MSRA: variants seen among roughly 807,000 people sequenced by gnomAD.
MSRA encodes methionine sulfoxide reductase A, also known as mitochondrial peptide methionine sulfoxide reductase.
MSRA carries 54 observed loss-of-function variants against 31.3 expected under a neutral mutation model. That is an observed-to-expected ratio of 1.73 (90% CI 1.39 to 2.17). The LOEUF (loss-of-function observed/expected upper bound fraction) is 2.17. Among genes scored for constraint, MSRA ranks in the 30% most tolerant of loss-of-function variants. The probability of loss-of-function intolerance (pLI) is 0.00; values close to 1 mark genes in which losing one functional copy is unlikely to be tolerated. For missense variants in MSRA, 507 were observed against 300.9 expected (o/e 1.69, Z -5.07); for synonymous variants, 169 against 116.5 (o/e 1.45, Z -2.90).
chr8:10,391,714 A>T (rs1018740184), intron 5 of MSRA, among the ~76,000 whole-genome samples: 1 of 152,172 alleles, frequency 6.6e-6, no homozygotes, highest in Non-Finnish European at 1.5e-5. Flanking sequence ...CAGCTCTGCC[A>T]CCTGCTTTCC....
intron 1 of MSRA, among the ~76,000 whole-genome samples, chr8:10,201,662 A>G (rs1408958353): frequency 1.3e-5 from 2 of 152,252 alleles, no homozygotes; most frequent in African/African-American, 4.8e-5. Flanking sequence ...TGCATGAGAC[A>G]TTCACAAAAC....
chr8:10,303,923 T>C (rs1224595136), intron 4 of MSRA, among the ~76,000 whole-genome samples: 1 of 152,120 alleles, frequency 6.6e-6, no homozygotes, highest in Non-Finnish European at 1.5e-5. Context: ...CTTTTATTTT[T>C]TGTTTTTGTT....
chr8:10,283,836 T>TACACAC lies in MSRA; in HGVS notation c.332-17670_332-17665dup, dbSNP rs372503609. Among the ~76,000 whole-genome samples, 346 of 53,032 alleles carry TACACAC rather than the reference T, an allele frequency of 6.5e-3. 9 individuals carry two copies. Among genetic ancestry groups the TACACAC allele is most frequent in the Non-Finnish European group, 8.9e-3 (276 of 31,126 alleles). 34.8% of individuals were successfully genotyped at this position (53,032 alleles called of 152,430 possible). A position where few individuals can be genotyped will look rare whatever the true frequency, so the allele number is the denominator to read the frequency against. ...ATATATATATATATATATATATATATACACACACACACACACACACACACA... is the reference window on the plus strand; with the variant it reads ...ATATATATATATATATATATATATATACACACACACACACACACACACACACACACA... On this transcript the variant is annotated intron_variant, in intron 3 of 5. Transcript: ENST00000317173.
intron 1 of MSRA, among the ~76,000 whole-genome samples, chr8:10,155,682 C>G (rs911053412): frequency 4.6e-5 from 7 of 152,092 alleles, no homozygotes; most frequent in African/African-American, 1.4e-4. Context: ...CTGACATGGT[C>G]TCTCACTGGT....
intron 3 of MSRA, among the ~76,000 whole-genome samples, chr8:10,258,151 A>C (rs1002629888): frequency 1.3e-5 from 2 of 152,234 alleles, no homozygotes; most frequent in Non-Finnish European, 2.9e-5. Context: ...TAGGCAGATT[A>C]TCTGACTTGT....
At chr8:10,334,977 G>T (rs954918868) in intron 5 of MSRA, among the ~76,000 whole-genome samples, 1 of 152,034 alleles carries the variant, frequency 6.6e-6, no homozygotes, top group African/African-American at 2.4e-5. Context: ...CCCATTGGCT[G>T]CAAGCGAGGA....
chr8:10,115,149 G>A (rs1487324902), intron 1 of MSRA, among the ~76,000 whole-genome samples: 1 of 152,196 alleles, frequency 6.6e-6, no homozygotes. Context: ...ATGGCTTTGG[G>A]CAACTGGCTT....
chr8:10,142,842 G>A (rs17151195), intron 1 of MSRA, among the ~76,000 whole-genome samples: 9,968 of 152,150 alleles, frequency 0.066, 1,052 homozygotes, highest in African/African-American at 0.22. Flanking sequence ...TTATTGCCTG[G>A]TTTTTGAAAT....
chr8:10,113,763 ATTT>A (rs1178311984), intron 1 of MSRA, among the ~76,000 whole-genome samples: 33 of 147,790 alleles, frequency 2.2e-4, no homozygotes, highest in African/African-American at 2.3e-4. Context: ...AGGTATTTGC[ATTT>A]TTTTTTTTTT....
chr8:10,276,278 C>T (rs1477570104), intron 3 of MSRA, among the ~76,000 whole-genome samples: 2 of 152,194 alleles, frequency 1.3e-5, no homozygotes, highest in African/African-American at 2.4e-5. Flanking sequence ...AGTAAGTGCA[C>T]GCCACCCAGC....
intron 1 of MSRA, among the ~76,000 whole-genome samples, chr8:10,117,485 T>A (rs1272516071): frequency 2.0e-5 from 3 of 152,224 alleles, no homozygotes; most frequent in Non-Finnish European, 4.4e-5. Context: ...TTGGGGCTCG[T>A]CTTTTGGGAG....
At chr8:10,201,700 T>G (rs1385344013) in intron 1 of MSRA, among the ~76,000 whole-genome samples, 2 of 152,256 alleles carry the variant, frequency 1.3e-5, no homozygotes, top group African/African-American at 4.8e-5. Context: ...CAGTATCATC[T>G]TCTTAAGCTT....
intron 5 of MSRA, among the ~76,000 whole-genome samples, chr8:10,343,560 C>G (rs538101075): frequency 6.6e-6 from 1 of 152,298 alleles, no homozygotes; most frequent in East Asian, 1.9e-4. Flanking sequence ...CCCAACCACT[C>G]TTTAATTGTC....
chr8:10,290,907 C>A (rs985888766), intron 3 of MSRA, among the ~76,000 whole-genome samples: 1 of 152,136 alleles, frequency 6.6e-6, no homozygotes, highest in Non-Finnish European at 1.5e-5. Flanking sequence ...CTGCCTGTTT[C>A]GCAGCAGAGT....
intron 1 of MSRA, among the ~76,000 whole-genome samples, chr8:10,202,835 T>C (rs1808621691): frequency 2.6e-5 from 4 of 152,168 alleles, no homozygotes; most frequent in Admixed American, 2.0e-4. Context: ...ATGAGGAAAC[T>C]TAAAATGAAG....
chr8:10,284,926 C>A (rs1399242267), intron 3 of MSRA, among the ~76,000 whole-genome samples: 1 of 151,866 alleles, frequency 6.6e-6, no homozygotes, highest in African/African-American at 2.4e-5. Context: ...TCTAGTTTTG[C>A]ATCTTCAAAA....
At chr8:10,404,921 C>A (rs74950313) in intron 5 of MSRA, among the ~76,000 whole-genome samples, 34 of 152,312 alleles carry the variant, frequency 2.2e-4, no homozygotes, top group African/African-American at 8.2e-4. Context: ...CCCACTGCTC[C>A]CCACGATGGC....
chr8:10,347,607 C>T (rs1160414092), intron 5 of MSRA, among the ~76,000 whole-genome samples: 1 of 152,208 alleles, frequency 6.6e-6, no homozygotes, highest in African/African-American at 2.4e-5. Flanking sequence ...CAGTCTCAGT[C>T]ACCCTCTCGA....
At chr8:10,401,379 C>T (rs4512422) in intron 5 of MSRA, among the ~76,000 whole-genome samples, 62,582 of 152,050 alleles carry the variant, frequency 0.41, 15,176 homozygotes, top group Non-Finnish European at 0.56. Flanking sequence ...CCCATTAGGA[C>T]GGCTATTATC....
Sources: allele counts gnomAD v4.1 joint callset (sites outside exome capture counted in the v4.1 genomes callset), GRCh38; gene constraint gnomAD v4.1.1; transcripts MANE v1.5; gene names NCBI Gene and HGNC (gene_info 2026-07-23, HGNC 2026-07-21).